The following RGS5 variants were observed in gnomAD, a reference collection of about 807,000 sequenced individuals.
The protein encoded by RGS5 is regulator of G-protein signalling 5.
A neutral mutation model predicts 18.9 loss-of-function variants in RGS5; 20 were observed. The observed-to-expected ratio is 1.06, with a 90% confidence interval of 0.74 to 1.54. RGS5 has a LOEUF of 1.54. Ranked by LOEUF, RGS5 falls within the 40% of genes most tolerant of loss-of-function variation. The probability of loss-of-function intolerance (pLI) is 0.00; values close to 1 mark genes in which losing one functional copy is unlikely to be tolerated. For synonymous variants in RGS5, 57 were observed against 76.2 expected (o/e 0.75, Z 1.31); for missense variants, 201 against 211.8 (o/e 0.95, Z 0.32).
chr1:163,244,333 C>T (rs944216404), intron 2 of RGS5, among the ~76,000 whole-genome samples: 1 of 152,166 alleles, frequency 6.6e-6, no homozygotes, highest in African/African-American at 2.4e-5. Context: ...AAACACTTTC[C>T]ATCTCTCCTG....
intron 2 of RGS5, among the ~76,000 whole-genome samples, chr1:163,273,283 C>A (rs2175013): frequency 0.088 from 13,397 of 152,060 alleles, 650 homozygotes; most frequent in African/African-American, 0.13. Context: ...ATTTTCTTTA[C>A]CCTAGCCAAT....
At chr1:163,257,512 T>C (rs1348268128) in intron 2 of RGS5, among the ~76,000 whole-genome samples, 1 of 152,208 alleles carries the variant, frequency 6.6e-6, no homozygotes, top group East Asian at 1.9e-4. Flanking sequence ...AATTTTTCCC[T>C]CTATTTCCAT....
rs1156957322 is a variant in RGS5, at chr1:163,144,340, C to A, written c.*3002G>T. ...TAACTGTGGAGTTAATAGTCTGTCT[C>A]TTTGTCCTGATGTAATTTAGATCTT... On this transcript the variant is annotated 3_prime_UTR_variant, in exon 5 of 5. Transcript: ENST00000313961. 6.6e-6 allele frequency: 1 copy of A among 152,134 alleles called. No homozygotes were observed. Among genetic ancestry groups the A allele is most frequent in the African/African-American group, 2.4e-5 (1 of 41,430 alleles). The allele number at this position is 152,134 out of a possible 1,614,324, so 9.4% of individuals were successfully genotyped here.
rs183391581 is a variant in RGS5, at chr1:163,317,513, A to G, written c.-378+4109T>C. On this transcript the variant is annotated intron_variant, in intron 1 of 5. Coordinates refer to the RGS5 transcript ENST00000618415. Reference sequence around the variant, plus strand: ...CATCTTTCTTTCCCTGGATTACTACAATTATCTCCTAACTGGTTTCCTTCT... The same window carrying G: ...CATCTTTCTTTCCCTGGATTACTACGATTATCTCCTAACTGGTTTCCTTCT... Among the ~76,000 whole-genome samples, 314 of 152,254 alleles carry G rather than the reference A, an allele frequency of 2.1e-3. 1 individual carries two copies. Among genetic ancestry groups the G allele is most frequent in the South Asian group, 0.011 (52 of 4,818 alleles).
intron 1 of RGS5, among the ~76,000 whole-genome samples, chr1:163,180,480 C>T (rs1658766975): frequency 6.6e-6 from 1 of 152,112 alleles, no homozygotes; most frequent in South Asian, 2.1e-4. Context: ...AGTTCTCAAA[C>T]TTCAGTGTAC....
intron 2 of RGS5, among the ~76,000 whole-genome samples, chr1:163,252,699 T>C (rs12079851): frequency 0.024 from 3,646 of 152,266 alleles, 147 homozygotes; most frequent in African/African-American, 0.082. Flanking sequence ...ACTTGCATAT[T>C]GGTACTTTGC....
Position 163,217,536 on chromosome 1 carries a change from C to T in RGS5, c.59G>A (p.Trp20Ter), listed in dbSNP as rs377540904. 8.4e-6 allele frequency: 13 copies of T among 1,539,480 alleles called. No individual in the cohort carries two copies. Among genetic ancestry groups the T allele is most frequent in the African/African-American group, 4.1e-5 (3 of 72,544 alleles). Residue 20 changes from tryptophan to a stop codon, truncating the protein, a stop_gained, in exon 1 of 6, where the codon TGG (tryptophan) becomes TAG (stop). Coordinates refer to the RGS5 transcript ENST00000367903. LOFTEE classifies it high-confidence loss of function. ...AATATTTGTACATACATTGATATGC[C>T]AATGAGCACTGTGCATCTGTAAGAT...
chr1:163,255,665 G>T (rs1407512743), intron 2 of RGS5, among the ~76,000 whole-genome samples: 1 of 150,998 alleles, frequency 6.6e-6, no homozygotes, highest in Admixed American at 6.6e-5. Context: ...CCAAAAAAGA[G>T]AATTTTAGAC....
intron 2 of RGS5, chr1:163,260,088 T>C (rs984283256): frequency 2.6e-5 from 4 of 152,252 alleles, no homozygotes; most frequent in Non-Finnish European, 5.9e-5. Context: ...CAGTGTTGTA[T>C]GTAATACAGG....
intron 1 of RGS5, among the ~76,000 whole-genome samples, chr1:163,207,919 A>G (rs1291243960): frequency 1.3e-5 from 2 of 152,172 alleles, no homozygotes; most frequent in Admixed American, 1.3e-4. Flanking sequence ...GAAAGATTAA[A>G]AAACAAAGAA....
At chr1:163,217,570 C>A in exon 1 of RGS5, 1 of 1,547,026 alleles carries the variant, frequency 6.5e-7, no homozygotes. Context: ...ATGAGAATAT[C>A]CTGTGAAATG....
chr1:163,167,578 G>A lies in RGS5; in HGVS notation c.155+680C>T, dbSNP rs116220850. Reference sequence around the variant, plus strand: ...CCCTAGGATGCCTAAATTGACAGGAGGAATGTGTAGGGAGAGGAGAATGGG... The same window carrying A: ...CCCTAGGATGCCTAAATTGACAGGAAGAATGTGTAGGGAGAGGAGAATGGG... On this transcript the variant is annotated intron_variant, in intron 2 of 4. Coordinates refer to ENST00000313961, the MANE Select transcript of RGS5 (RefSeq NM_003617.4). 4.5e-3 allele frequency among the ~76,000 whole-genome samples: 690 copies of A among 152,250 alleles called. 5 individuals carry two copies. Among genetic ancestry groups the A allele is most frequent in the African/African-American group, 0.016 (664 of 41,530 alleles).
At chr1:163,204,308 ACCAC>A (rs1277086731), upstream of RGS5, among the ~76,000 whole-genome samples, 4 of 128,666 alleles carry the variant, frequency 3.1e-5, no homozygotes, top group Non-Finnish European at 5.0e-5. Flanking sequence ...GTGGCTCTAA[ACCAC>A]ACACACACAC....
chr1:163,247,728 TC>T (rs1204964779), intron 2 of RGS5, among the ~76,000 whole-genome samples: 1 of 152,002 alleles, frequency 6.6e-6, no homozygotes, highest in African/African-American at 2.4e-5. Context: ...AATGGGCACT[TC>T]CCCCTCAGTG....
intron 2 of RGS5, among the ~76,000 whole-genome samples, chr1:163,166,007 G>T (rs1412123545): frequency 6.6e-6 from 1 of 152,136 alleles, no homozygotes; most frequent in Non-Finnish European, 1.5e-5. Context: ...GGGTGAGGTA[G>T]TAAGGTTGAA....
Position 163,173,560 on chromosome 1 carries a change from C to A in RGS5, c.45-5192G>T, listed in dbSNP as rs1306566420. Among the ~76,000 whole-genome samples the A allele has an allele frequency of 3.2e-4, 48 of 152,094 alleles. 1 individual carries two copies. The highest frequency in any genetic ancestry group is 3.1e-3 in the Admixed American group (48 of 15,264). On this transcript the variant is annotated intron_variant, in intron 1 of 4. Coordinates refer to ENST00000313961, the MANE Select transcript of RGS5 (RefSeq NM_003617.4). ...TGTGGAAAACCAGCACAAGCAATCA[C>A]TAAAAACAGAAACATGGTTAAATTT...
intron 1 of RGS5, among the ~76,000 whole-genome samples, chr1:163,320,101 C>T (rs538152095): frequency 6.6e-6 from 1 of 152,220 alleles, no homozygotes; most frequent in East Asian, 1.9e-4. Context: ...GGTTGTCTTG[C>T]TCTTTTCTTC....
exon 1 of RGS5, chr1:163,217,597 T>C (rs2101675807): frequency 1.3e-6 from 2 of 1,545,982 alleles, no homozygotes; most frequent in African/African-American, 2.7e-5. Flanking sequence ...GCGCACATTT[T>C]TCACTGAGGT....
At chr1:163,260,606 A>G (rs1395840157) in intron 2 of RGS5, 1 of 151,986 alleles carries the variant, frequency 6.6e-6, no homozygotes, top group Non-Finnish European at 1.5e-5. Context: ...AGAATTCACC[A>G]CTATATAATG....
Sources: allele counts gnomAD v4.1 joint callset (sites outside exome capture counted in the v4.1 genomes callset), GRCh38; gene constraint gnomAD v4.1.1; transcripts MANE v1.5; gene names NCBI Gene and HGNC (gene_info 2026-07-23, HGNC 2026-07-21).